Variants in CDH26 observed in about 807,000 individuals in gnomAD.
The protein encoded by CDH26 is cadherin 26.
In CDH26, 83 loss-of-function variants were observed where a neutral mutation model predicts 90.3. The observed-to-expected ratio is 0.92, with a 90% CI of 0.77 to 1.10. The LOEUF (loss-of-function observed/expected upper bound fraction) is 1.10, where lower values mean the gene tolerates loss of function less well. Ranked by LOEUF, CDH26 falls within the 50% of genes least tolerant of loss-of-function variation. The pLI, the probability that CDH26 is intolerant of heterozygous loss-of-function variation, is 0.00. For missense variants in CDH26, 1,013 were observed against 1,037.6 expected, an observed-to-expected ratio of 0.98 and a Z score of 0.33; for synonymous variants, 397 against 396.3, an observed-to-expected ratio of 1.00 and a Z score of -0.02.
chr20:60,019,258 A>T (rs1409873179), downstream of CDH26, among the ~76,000 whole-genome samples: 1 of 152,166 alleles, frequency 6.6e-6, no homozygotes, highest in Non-Finnish European at 1.5e-5. Context: ...TATCTGTTCA[A>T]CAGGAATTGG....
chr20:59,963,205 A>T (rs1011503731), intron 1 of CDH26, among the ~76,000 whole-genome samples: 1 of 151,992 alleles, frequency 6.6e-6, no homozygotes, highest in East Asian at 1.9e-4. Flanking sequence ...ACTCCAGAGC[A>T]TAAATTACCT....
In CDH26 at chr20:59,996,719, A is replaced by G. The variant is rs2061602424; in HGVS notation, c.1977A>G (p.Thr659=). 1 of 1,614,060 alleles carries G rather than the reference A, an allele frequency of 6.2e-7. No individual in the cohort carries two copies. The highest frequency in any genetic ancestry group is 1.3e-5 in the African/African-American group (1 of 74,928). Residue 659 remains threonine, a synonymous_variant, in exon 13 of 18, where the codon ACA becomes ACG. Transcript: ENST00000348616. ...TATCCAATGATGAAGGCCACCAAAC[A>G]CTGGTCATGTATAATGCGGAGAGCA... ...CSVSNDEGHQ[T]LVMYNAESKG...
intron 1 of CDH26, among the ~76,000 whole-genome samples, chr20:59,966,609 G>A (rs2061152431): frequency 6.6e-6 from 1 of 152,178 alleles, no homozygotes; most frequent in African/African-American, 2.4e-5. Flanking sequence ...TTTGTGCTGA[G>A]GCATCAGCAA....
intron 4 of CDH26, among the ~76,000 whole-genome samples, chr20:59,978,269 G>A (rs1388491942): frequency 6.6e-6 from 1 of 152,106 alleles, no homozygotes; most frequent in East Asian, 1.9e-4. Context: ...GGATTGTGTA[G>A]CAAGAGTACA....
chr20:60,003,353 A>G (rs892372289), intron 16 of CDH26, among the ~76,000 whole-genome samples: 1 of 152,252 alleles, frequency 6.6e-6, no homozygotes, highest in African/African-American at 2.4e-5. Flanking sequence ...AAAATAGCCA[A>G]TAAAAATAAT....
intron 4 of CDH26, among the ~76,000 whole-genome samples, chr20:59,977,570 G>A (rs560975089): frequency 1.5e-5 from 2 of 133,610 alleles, no homozygotes; most frequent in African/African-American, 6.9e-5. Flanking sequence ...TTGTAAGTAG[G>A]GACATCATTT....
Position 60,014,062 on chromosome 20 carries a change from A to G in CDH26, c.*1332A>G, listed in dbSNP as rs1200420948. On this transcript the variant is annotated 3_prime_UTR_variant, in exon 18 of 18. Transcript: ENST00000348616. ...TGTTTTTGGACAACAAAACAAAGTA[A>G]ACATTAGTTTATTCGATTGCCTCCT... The G allele has an allele frequency of 6.6e-6, 1 of 152,168 alleles. No homozygotes were observed. The highest frequency in any genetic ancestry group is 1.5e-5 in the Non-Finnish European group (1 of 68,022). The allele number at this position is 152,168 out of a possible 1,614,324, so 9.4% of individuals were successfully genotyped here.
intron 14 of CDH26, among the ~76,000 whole-genome samples, chr20:60,000,157 C>T (rs1045737321): frequency 2.0e-5 from 3 of 152,126 alleles, no homozygotes; most frequent in Admixed American, 1.3e-4. Context: ...GCCAAAGGCC[C>T]GGGGCCCCTC....
In CDH26 at chr20:59,958,506, T is replaced by A; in HGVS notation, c.-221T>A. ...CTAGGAACTCTACTTGTGGCAAACG[T>A]ATGTTCAAGCTTACAAGTCAGCCCA... On this transcript the variant is annotated 5_prime_UTR_variant, in exon 1 of 18. Transcript: ENST00000348616. 1 of 579,016 alleles carries A rather than the reference T, an allele frequency of 1.7e-6. No individual in the cohort carries two copies. The highest frequency in any genetic ancestry group is 1.9e-5 in the African/African-American group (1 of 53,426). The allele number at this position is 579,016 out of a possible 1,614,324, so 35.9% of individuals were successfully genotyped here. A position where few individuals can be genotyped will look rare whatever the true frequency, so the allele number is the denominator to read the frequency against.
In CDH26 at chr20:59,994,390, G is replaced by A. The variant is rs959104506; in HGVS notation, c.1567G>A (p.Glu523Lys). The A allele has an allele frequency of 1.2e-6, 2 of 1,613,868 alleles. No homozygotes were observed. The highest frequency in any genetic ancestry group is 1.3e-5 in the African/African-American group (1 of 74,908). The change falls in exon 11 of 18, where the codon GAG becomes AAG. Residue 523 changes from glutamate (E) to lysine (K), a missense_variant. Glu to Lys is a moderately conservative substitution (Grantham distance 56). Coordinates refer to ENST00000348616, the MANE Select transcript of CDH26 (RefSeq NM_177980.4). ...AVHEPLHIEA[E>K]DPDLEPFSDP... ...GCATGAGCCCCTCCACATCGAGGCA[G>A]AGGATCCGGACCTGGAGCCGTTCTC... is the stretch of plus-strand genomic sequence containing the variant.
intron 4 of CDH26, among the ~76,000 whole-genome samples, chr20:59,978,587 T>C (rs1022967482): frequency 2.0e-5 from 3 of 152,100 alleles, no homozygotes; most frequent in African/African-American, 7.2e-5. Context: ...TTGGCCAGGC[T>C]GGTCTTGAAC....
intron 1 of CDH26, among the ~76,000 whole-genome samples, chr20:59,959,866 G>A (rs901273769): frequency 2.6e-5 from 4 of 152,210 alleles, no homozygotes; most frequent in East Asian, 1.9e-4. Flanking sequence ...GTCAGGATTC[G>A]AAACACATGG....
At chr20:60,026,357 C>G (rs1309670843) in intron 7 of CDH26, among the ~76,000 whole-genome samples, 1 of 147,976 alleles carries the variant, frequency 6.8e-6, no homozygotes, top group Non-Finnish European at 1.5e-5. Flanking sequence ...TTCTATGAGC[C>G]CACGAGAGTG....
chr20:60,012,821 T>A lies in CDH26; in HGVS notation c.*91T>A. The A allele has an allele frequency of 8.0e-7, 1 of 1,243,192 alleles. No homozygotes were observed. The highest frequency in any genetic ancestry group is 2.5e-4 in the Middle Eastern group (1 of 3,984). The allele number at this position is 1,243,192 out of a possible 1,614,324, so 77.0% of individuals were successfully genotyped here. Reference sequence around the variant, plus strand: ...CCCCTTTGCTCTTCTTTTCCCTCCTTAAAAGAAAAATTACCTTCTAGTCCT... The same window carrying A: ...CCCCTTTGCTCTTCTTTTCCCTCCTAAAAAGAAAAATTACCTTCTAGTCCT... On this transcript the variant is annotated 3_prime_UTR_variant, in exon 18 of 18. Transcript: ENST00000348616.
At chr20:59,976,021 C>A (rs1474616401) in intron 4 of CDH26, among the ~76,000 whole-genome samples, 2 of 152,134 alleles carry the variant, frequency 1.3e-5, no homozygotes, top group African/African-American at 2.4e-5. Flanking sequence ...TCAAAATATG[C>A]TCATTTTTGT....
intron 7 of CDH26, among the ~76,000 whole-genome samples, chr20:60,024,888 G>A (rs1228290121): frequency 6.6e-6 from 1 of 152,198 alleles, no homozygotes; most frequent in Non-Finnish European, 1.5e-5. Context: ...TCTGGCCAAT[G>A]GGATTCATGT....
rs2061534183 is a variant in CDH26 at position 59,992,079 on chromosome 20, G to C, written c.1284-299G>C. Among the ~76,000 whole-genome samples, 3 of 152,136 alleles carry C rather than the reference G, an allele frequency of 2.0e-5. No individual in the cohort carries two copies. ...GCCACTGAAGATGGGTTCCTTTCCA[G>C]GATGAATCATCTCCCCAAGGCAGAC... On this transcript the variant is annotated intron_variant, in intron 9 of 17. Coordinates refer to ENST00000348616, the MANE Select transcript of CDH26 (RefSeq NM_177980.4). This position sits in a 1 kb window ranked among gnomAD's most constrained non-coding sequence, Gnocchi z 5.0.
Position 59,958,849 on chromosome 20 carries a change from C to G in CDH26, c.69+54C>G, listed in dbSNP as rs376419932. On this transcript the variant is annotated intron_variant, in intron 1 of 17. Coordinates refer to ENST00000348616, the MANE Select transcript of CDH26 (RefSeq NM_177980.4). ...GGTGCAGGGAACTGAAAGCAAAGCA[C>G]AAGCTGGCCCTGCCCCTTCTAGGCT... 1.4e-4 allele frequency: 214 copies of G among 1,555,954 alleles called. No homozygotes were observed. In the African/African-American group the frequency reaches 2.6e-3, roughly 19 times the overall value.
intron 7 of CDH26, among the ~76,000 whole-genome samples, chr20:60,021,473 G>C (rs867349055): frequency 2.2e-4 from 34 of 152,178 alleles, no homozygotes; most frequent in Admixed American, 2.6e-4. Context: ...CTTCTCTGGG[G>C]AATTCTATTT....
Sources: allele counts gnomAD v4.1 joint callset (sites outside exome capture counted in the v4.1 genomes callset), GRCh38; gene constraint gnomAD v4.1.1; non-coding constraint Gnocchi (gnomAD v3.1); transcripts MANE v1.5; gene names NCBI Gene and HGNC (gene_info 2026-07-23, HGNC 2026-07-21).